HSD17B3: variants seen among roughly 807,000 people sequenced by gnomAD.
The protein encoded by HSD17B3 is hydroxysteroid 17-beta dehydrogenase 3.
In HSD17B3, 29 loss-of-function variants were observed where a neutral mutation model predicts 41.1. The observed-to-expected ratio is 0.71, with a 90% CI of 0.53 to 0.96. The LOEUF is 0.96. Among genes scored for constraint, HSD17B3 ranks in the 40% least tolerant of loss-of-function variants. The probability of loss-of-function intolerance (pLI) is 0.00; values close to 1 mark genes in which losing one functional copy is unlikely to be tolerated. For synonymous variants in HSD17B3, 126 were observed against 145.6 expected, an observed-to-expected ratio of 0.87 and a Z score of 0.97; for missense variants, 323 against 374.6, an observed-to-expected ratio of 0.86 and a Z score of 1.14.
At position 96,296,943 on chromosome 9, in the gene HSD17B3, G is replaced by A. The variant is rs557302438; in HGVS notation, c.201+1473C>T. Among the ~76,000 whole-genome samples the A allele has an allele frequency of 4.6e-5, 7 of 151,996 alleles. 1 individual carries two copies. In the South Asian group the frequency reaches 1.5e-3, roughly 32 times the overall value. The stretch of plus-strand genomic sequence containing the variant: ...ACATTGCTTCGGGAGGCTGAGGTGG[G>A]AGGATTGCTTGAGCCCAGGAGGTCA... On this transcript the variant is annotated intron_variant, in intron 2 of 10. Coordinates refer to ENST00000375263, the MANE Select transcript of HSD17B3 (RefSeq NM_000197.2).
intron 4 of HSD17B3, among the ~76,000 whole-genome samples, chr9:96,252,327 G>A (rs1259930760): frequency 2.6e-5 from 4 of 152,018 alleles, no homozygotes; most frequent in African/African-American, 4.8e-5. Context: ...GGTGGATCAC[G>A]AGGTCAGGAG....
intron 2 of HSD17B3, among the ~76,000 whole-genome samples, chr9:96,287,100 G>A (rs1826951504): frequency 6.6e-6 from 1 of 152,052 alleles, no homozygotes; most frequent in South Asian, 2.1e-4. Flanking sequence ...ACTGTGTAGA[G>A]ACGTCCACCC....
At chr9:96,272,433 A>C (rs1362665925) in intron 2 of HSD17B3, among the ~76,000 whole-genome samples, 14 of 87,044 alleles carry the variant, frequency 1.6e-4, no homozygotes, top group South Asian at 3.8e-4. Flanking sequence ...ATATATATAT[A>C]TATATATATA....
chr9:96,250,266 AAC>A, intron 5 of HSD17B3: 1 of 1,101,284 alleles, frequency 9.1e-7, no homozygotes, highest in Non-Finnish European at 1.1e-6. Context: ...CACTAGCACA[AAC>A]ACAGACACAC....
chr9:96,265,176 A>T (rs1826007466), intron 2 of HSD17B3, among the ~76,000 whole-genome samples: 1 of 152,122 alleles, frequency 6.6e-6, no homozygotes. Context: ...AGTTGTTGGG[A>T]CATTATAGCT....
rs142240139 is a variant in HSD17B3, at chr9:96,286,125, C to T, written c.201+12291G>A. On this transcript the variant is annotated intron_variant, in intron 2 of 10. Coordinates refer to ENST00000375263, the MANE Select transcript of HSD17B3 (RefSeq NM_000197.2). ...TTGGGAGGCCAAGGCGGGCAGATCA[C>T]CTGAGGTCAGGAGTTCAAGACCAGC... Among the ~76,000 whole-genome samples the T allele has an allele frequency of 3.4e-3, 520 of 152,252 alleles. 7 individuals carry two copies. The highest frequency in any genetic ancestry group is 0.011 in the African/African-American group (472 of 41,538).
chr9:96,285,260 T>A (rs1826873242), intron 2 of HSD17B3, among the ~76,000 whole-genome samples: 1 of 152,158 alleles, frequency 6.6e-6, no homozygotes, highest in Non-Finnish European at 1.5e-5. Context: ...TTACTAAAAA[T>A]GGGAAAACGG....
intron 2 of HSD17B3, among the ~76,000 whole-genome samples, chr9:96,261,054 C>T (rs555386541): frequency 7.0e-4 from 107 of 152,272 alleles, no homozygotes; most frequent in Non-Finnish European, 1.4e-3. Context: ...AATGCTGTGG[C>T]AACAAGTTAA....
At chr9:96,287,506 C>T (rs1275494174) in intron 2 of HSD17B3, among the ~76,000 whole-genome samples, 1 of 151,922 alleles carries the variant, frequency 6.6e-6, no homozygotes, top group Non-Finnish European at 1.5e-5. Flanking sequence ...GTCAGGAGAT[C>T]AAGACCATCC....
chr9:96,301,710 CAA>C (rs35760395), intron 1 of HSD17B3, among the ~76,000 whole-genome samples: 8 of 103,444 alleles, frequency 7.7e-5, no homozygotes, highest in African/African-American at 1.1e-4. Flanking sequence ...GACTCTGTCT[CAA>C]AAAAAAAAAA....
At chr9:96,236,064 C>A (rs1836227305) in intron 10 of HSD17B3, among the ~76,000 whole-genome samples, 1 of 151,532 alleles carries the variant, frequency 6.6e-6, no homozygotes, top group Non-Finnish European at 1.5e-5. Context: ...CCTGCTTTGG[C>A]CTCCCAAAGT....
intron 2 of HSD17B3, among the ~76,000 whole-genome samples, chr9:96,284,997 C>A (rs1185851531): frequency 6.6e-6 from 1 of 152,034 alleles, no homozygotes; most frequent in Non-Finnish European, 1.5e-5. Context: ...CACTACCATG[C>A]CTGGCTAATT....
At chr9:96,259,378 C>T (rs545827128) in intron 2 of HSD17B3, among the ~76,000 whole-genome samples, 57 of 152,236 alleles carry the variant, frequency 3.7e-4, no homozygotes, top group African/African-American at 1.3e-3. Context: ...CACTTATTTC[C>T]ATCAGCGCAA....
intron 9 of HSD17B3, 31 bp downstream of exon 9, chr9:96,244,298 A>G: frequency 6.2e-7 from 1 of 1,610,552 alleles, no homozygotes. Context: ...CACCTGGATG[A>G]TGACAAGGAC....
At chr9:96,236,582 G>T (rs892292501) in intron 10 of HSD17B3, among the ~76,000 whole-genome samples, 3 of 151,644 alleles carry the variant, frequency 2.0e-5, no homozygotes, top group Admixed American at 2.0e-4. Flanking sequence ...GAATCAGAAA[G>T]GCTTTCCATC....
In HSD17B3 at chr9:96,252,812, C is replaced by T. The variant is rs1409554313; in HGVS notation, c.376G>A (p.Gly126Arg). The T allele has an allele frequency of 2.5e-6, 4 of 1,600,144 alleles. 1 individual carries two copies. The East Asian group carries it at 8.9e-5, about 36-fold the overall frequency. The change falls in exon 4 of 11, where the codon GGA becomes AGA. Residue 126 changes from glycine (G) to arginine (R), a missense_variant. Transcript: ENST00000375263. ...IKEKLAGLEI[G>R]ILVNNVGMLP... ...CTTGCAATTTACTCACCTAAAATTC[C>T]AATTTCTAAGCCTGCAAGTTTTTCT... is the stretch of plus-strand genomic sequence containing the variant.
intron 2 of HSD17B3, among the ~76,000 whole-genome samples, chr9:96,261,541 G>A (rs1825858114): frequency 6.6e-6 from 1 of 152,236 alleles, no homozygotes; most frequent in Non-Finnish European, 1.5e-5. Flanking sequence ...AAGCAAAGTT[G>A]GAGGCAGAGT....
chr9:96,254,412 T>A (rs1372223288), intron 3 of HSD17B3, among the ~76,000 whole-genome samples: 1 of 152,224 alleles, frequency 6.6e-6, no homozygotes, highest in Non-Finnish European at 1.5e-5. Context: ...CACTTTCATA[T>A]GTAAAAATGT....
At chr9:96,296,651 A>G (rs1827370238) in intron 2 of HSD17B3, among the ~76,000 whole-genome samples, 1 of 152,192 alleles carries the variant, frequency 6.6e-6, no homozygotes, top group African/African-American at 2.4e-5. Context: ...TTTTATATAA[A>G]ATGAAGAAAA....
Sources: gnomAD v4.1 joint callset for allele counts (sites outside exome capture counted in the v4.1 genomes callset) on GRCh38, gnomAD v4.1.1 for gene constraint, MANE v1.5 for transcripts, NCBI Gene and HGNC (gene_info 2026-07-23, HGNC 2026-07-21) for gene names.